Variants in TMED10 observed in about 807,000 individuals in gnomAD.
TMED10 encodes the protein transmembrane p24 trafficking protein 10.
TMED10 carries 7 observed loss-of-function variants against 23.1 expected under a neutral mutation model. The ratio of observed to expected loss-of-function variants is 0.30; its 90% CI spans 0.17 to 0.57. The LOEUF is 0.57. TMED10 is among the 20% of genes least tolerant of loss of function. The probability of loss-of-function intolerance (pLI) is 0.91; values close to 1 mark genes in which losing one functional copy is unlikely to be tolerated. For missense variants in TMED10, 162 were observed against 274.8 expected (o/e 0.59, Z 2.90); for synonymous variants, 113 against 106.9 (o/e 1.06, Z -0.35).
chr14:75,155,285 T>C (rs1896008448), intron 1 of TMED10, among the ~76,000 whole-genome samples: 1 of 152,160 alleles, frequency 6.6e-6, no homozygotes, highest in African/African-American at 2.4e-5. Context: ...TTAAGATACC[T>C]AGACCTGTGC....
At chr14:75,174,838 C>G (rs2268621) in intron 1 of TMED10, among the ~76,000 whole-genome samples, 75,521 of 151,622 alleles carry the variant, frequency 0.5, 19,350 homozygotes, top group Middle Eastern at 0.56. Flanking sequence ...GTCAAGAGAT[C>G]AAGACCATCC....
chr14:75,158,744 G>C (rs1448825190), intron 1 of TMED10, among the ~76,000 whole-genome samples: 1 of 152,010 alleles, frequency 6.6e-6, no homozygotes, highest in Non-Finnish European at 1.5e-5. Flanking sequence ...GACTAACATG[G>C]AGAAACCCCA....
intron 3 of TMED10, among the ~76,000 whole-genome samples, chr14:75,147,001 T>G (rs1895891919): frequency 6.6e-6 from 1 of 152,176 alleles, no homozygotes; most frequent in South Asian, 2.1e-4. Context: ...ATCACTTTTC[T>G]TAACCTTGGG....
intron 2 of TMED10, among the ~76,000 whole-genome samples, chr14:75,149,963 C>T (rs757885576): frequency 2.5e-4 from 38 of 152,190 alleles, no homozygotes; most frequent in South Asian, 1.2e-3. Context: ...ATTAGCCAGG[C>T]GCAGTGGTGC....
At chr14:75,167,895 T>C (rs988332437) in intron 1 of TMED10, among the ~76,000 whole-genome samples, 1 of 152,166 alleles carries the variant, frequency 6.6e-6, no homozygotes, top group African/African-American at 2.4e-5. Flanking sequence ...CCTGAAGTAA[T>C]GGAGGAAACT....
chr14:75,144,940 T>A (rs1304704240), intron 3 of TMED10, among the ~76,000 whole-genome samples: 1 of 152,168 alleles, frequency 6.6e-6, no homozygotes, highest in Non-Finnish European at 1.5e-5. Context: ...ATTACAGGTG[T>A]GAGCCACCGT....
At chr14:75,174,255 G>A (rs962346074) in intron 1 of TMED10, among the ~76,000 whole-genome samples, 20 of 152,280 alleles carry the variant, frequency 1.3e-4, no homozygotes, top group African/African-American at 4.8e-4. Context: ...GAAAATAAGT[G>A]AGTTCAGGGT....
chr14:75,173,855 C>A (rs547359673), intron 1 of TMED10, among the ~76,000 whole-genome samples: 1 of 152,134 alleles, frequency 6.6e-6, no homozygotes, highest in African/African-American at 2.4e-5. Context: ...CTCAGCCTCC[C>A]GGGTAGCTGG....
chr14:75,138,824 T>A (rs1047699896), intron 3 of TMED10, among the ~76,000 whole-genome samples: 1 of 113,870 alleles, frequency 8.8e-6, no homozygotes, highest in African/African-American at 2.9e-5. Flanking sequence ...TTTTTTTTTT[T>A]TTTTTTTTAT....
At chr14:75,175,178 CAG>C (rs1896288048) in intron 1 of TMED10, among the ~76,000 whole-genome samples, 1 of 151,426 alleles carries the variant, frequency 6.6e-6, no homozygotes. Context: ...CAAATACTGA[CAG>C]ATATCAAATT....
intron 2 of TMED10, chr14:75,147,973 G>C: frequency 1.7e-6 from 1 of 573,472 alleles, no homozygotes; most frequent in Non-Finnish European, 3.1e-6. Flanking sequence ...CATGCTGCTG[G>C]CAAACATCTC....
intron 3 of TMED10, among the ~76,000 whole-genome samples, chr14:75,141,161 G>A (rs1334589677): frequency 1.3e-5 from 2 of 152,138 alleles, no homozygotes; most frequent in Non-Finnish European, 2.9e-5. Context: ...AACAGTTCTA[G>A]TTGGGAGGAC....
At chr14:75,155,544 C>T (rs1226480294) in intron 1 of TMED10, among the ~76,000 whole-genome samples, 1 of 152,196 alleles carries the variant, frequency 6.6e-6, no homozygotes, top group Admixed American at 6.5e-5. Flanking sequence ...CAAAACATCA[C>T]ATTATATATC....
rs1389280164 is a variant in TMED10 at position 75,132,021 on chromosome 14, A to C, written c.*2864T>G. 6.6e-6 allele frequency: 1 copy of C among 152,666 alleles called. No individual in the cohort carries two copies. The highest frequency in any genetic ancestry group is 1.5e-5 in the Non-Finnish European group (1 of 68,046). 9.5% of individuals were successfully genotyped at this position (152,666 alleles called of 1,614,324 possible). On this transcript the variant is annotated 3_prime_UTR_variant, in exon 5 of 5. Transcript: ENST00000303575. Reference sequence around the variant, plus strand: ...CTTTCGTTGCTCCTAAAAAGGGGAAAGGCACCAGTCAGAAATAGGAAAGAA... The same window carrying C: ...CTTTCGTTGCTCCTAAAAAGGGGAACGGCACCAGTCAGAAATAGGAAAGAA...
intron 1 of TMED10, among the ~76,000 whole-genome samples, chr14:75,154,401 CAAAAAAAAAAAAAAA>C (rs1166201835): frequency 7.2e-4 from 11 of 15,252 alleles, no homozygotes; most frequent in African/African-American, 1.9e-3. Flanking sequence ...GACTCTGTCT[CAAAAAAAAAAAAAAA>C]AAAAAAAAAA....
At chr14:75,162,240 G>A (rs1896094446) in intron 1 of TMED10, among the ~76,000 whole-genome samples, 2 of 152,126 alleles carry the variant, frequency 1.3e-5, no homozygotes, top group Admixed American at 1.3e-4. Flanking sequence ...ACTCCAGCCT[G>A]GGTGACAAAG....
Position 75,176,370 on chromosome 14 carries a change from C to T in TMED10, c.210G>A (p.Leu70=), listed in dbSNP as rs1473696125. The T allele has an allele frequency of 1.2e-6, 2 of 1,614,214 alleles. No homozygotes were observed. The highest frequency in any genetic ancestry group is 1.7e-6 in the Non-Finnish European group (2 of 1,180,026). Residue 70 remains leucine (L), a synonymous_variant, in exon 1 of 5, where the codon CTG becomes CTA. Transcript: ENST00000303575. ...AATGCCGCACCTTGAGGTGGCTGCG[C>T]AGGCCGCCAGCGCCCCCAGACTGGT... ...ISDQSGGAGG[L]RSHLKITDSA... is the part of the protein sequence containing the mutation.
chr14:75,167,579 T>C (rs1401846947), intron 1 of TMED10, among the ~76,000 whole-genome samples: 1 of 152,198 alleles, frequency 6.6e-6, no homozygotes, highest in Non-Finnish European at 1.5e-5. Context: ...TACTTCTTCA[T>C]AATTTTTAGG....
intron 1 of TMED10, among the ~76,000 whole-genome samples, chr14:75,162,189 C>T (rs1378155629): frequency 6.6e-6 from 1 of 152,118 alleles, no homozygotes; most frequent in African/African-American, 2.4e-5. Context: ...CACTTGAACC[C>T]AGGAGGCAGA....
Sources: allele counts gnomAD v4.1 joint callset (sites outside exome capture counted in the v4.1 genomes callset), GRCh38; gene constraint gnomAD v4.1.1; transcripts MANE v1.5; gene names NCBI Gene and HGNC (gene_info 2026-07-23, HGNC 2026-07-21).